RAB23: variants seen among roughly 807,000 people sequenced by gnomAD.
RAB23 encodes the protein ras-related protein Rab-23.
A neutral mutation model predicts 30.0 loss-of-function variants in RAB23; 15 were observed. The ratio of observed to expected loss-of-function variants is 0.50; its 90% CI spans 0.33 to 0.77. The LOEUF is 0.77. Among genes scored for constraint, RAB23 ranks in the 30% least tolerant of loss-of-function variants. RAB23 has a pLI of 0.02. For synonymous variants in RAB23, 93 were observed against 94.0 expected (o/e 0.99, Z 0.06); for missense variants, 243 against 275.4 (o/e 0.88, Z 0.83).
At chr6:57,210,816 T>C (rs1175530402) in intron 1 of RAB23, among the ~76,000 whole-genome samples, 1 of 152,212 alleles carries the variant, frequency 6.6e-6, no homozygotes, top group African/African-American at 2.4e-5. Flanking sequence ...GGCAATAATA[T>C]CCATCTCATA....
intron 1 of RAB23, among the ~76,000 whole-genome samples, chr6:57,219,977 GAGAA>G (rs1644479763): frequency 6.6e-6 from 1 of 152,104 alleles, no homozygotes; most frequent in African/African-American, 2.4e-5. Context: ...TTAGAATGAA[GAGAA>G]AGACAGACTG....
intron 4 of RAB23, among the ~76,000 whole-genome samples, chr6:57,195,597 C>T (rs1014606584): frequency 6.6e-6 from 1 of 152,208 alleles, no homozygotes; most frequent in Non-Finnish European, 1.5e-5. Context: ...TTCTGTCTTG[C>T]TCTTTCTTGG....
chr6:57,199,496 C>T (rs1047380458), intron 3 of RAB23, among the ~76,000 whole-genome samples: 1 of 152,138 alleles, frequency 6.6e-6, no homozygotes, highest in Non-Finnish European at 1.5e-5. Flanking sequence ...TAAACTAAGA[C>T]AGTAAATGCC....
chr6:57,196,441 C>A lies in RAB23; in HGVS notation c.398+9G>T, dbSNP rs376839366. ...ACTGTCCCTCCTTCCCCAAAAGTAG[C>A]CATCTTACTTCTTTATACAAGAATC... On this transcript the variant is annotated intron_variant, in intron 4 of 6. Coordinates refer to ENST00000468148, the MANE Select transcript of RAB23 (RefSeq NM_016277.5). 2 of 1,613,824 alleles carry A rather than the reference C, an allele frequency of 1.2e-6. No individual in the cohort carries two copies. The highest frequency in any genetic ancestry group is 8.5e-7 in the Non-Finnish European group (1 of 1,179,828).
intron 1 of RAB23, among the ~76,000 whole-genome samples, chr6:57,217,630 C>T (rs1476275294): frequency 6.6e-6 from 1 of 151,918 alleles, no homozygotes; most frequent in Non-Finnish European, 1.5e-5. Context: ...ATTTAGAGCG[C>T]TAAATGCTTA....
At position 57,188,761 on chromosome 6, in the gene RAB23, TC is replaced by T. The variant is rs1764714465; in HGVS notation, c.*1699del. ...GTGAAATAGATAATGCCAGATCATT[TC>T]AATATAATGAAAAGCAAAAATTTAC... On this transcript the variant is annotated 3_prime_UTR_variant, in exon 7 of 7. Transcript: ENST00000468148. 1 of 152,200 alleles carries T rather than the reference TC, an allele frequency of 6.6e-6. No individual in the cohort carries two copies. The highest frequency in any genetic ancestry group is 6.5e-5 in the Admixed American group (1 of 15,276). The allele number at this position is 152,200 out of a possible 1,614,324, so 9.4% of individuals were successfully genotyped here. A position where few individuals can be genotyped will look rare whatever the true frequency, so the allele number is the denominator to read the frequency against.
At chr6:57,199,134 C>T (rs1002628316) in intron 3 of RAB23, among the ~76,000 whole-genome samples, 1 of 152,232 alleles carries the variant, frequency 6.6e-6, no homozygotes, top group South Asian at 2.1e-4. Context: ...CGGGCTTCAG[C>T]GCAGCTGTGG....
rs369090284 is a variant in RAB23, at chr6:57,206,877, C to T, written c.241+751G>A. Among the ~76,000 whole-genome samples the T allele has an allele frequency of 9.2e-5, 14 of 152,332 alleles. 1 individual carries two copies. The highest frequency in any genetic ancestry group is 3.4e-4 in the African/African-American group (14 of 41,588). The stretch of plus-strand genomic sequence containing the variant: ...TGTGCCTTTTTATTTCCCACAGCAT[C>T]TGCGAAATGCAGAGTATTAAATACC... On this transcript the variant is annotated intron_variant, in intron 3 of 6. Coordinates refer to ENST00000468148, the MANE Select transcript of RAB23 (RefSeq NM_016277.5).
chr6:57,195,330 TC>T (rs1354772881), intron 4 of RAB23, among the ~76,000 whole-genome samples: 12 of 152,312 alleles, frequency 7.9e-5, no homozygotes, highest in Admixed American at 7.8e-4. Context: ...AAAGCCAAAG[TC>T]AGTATATTAA....
Position 57,191,866 on chromosome 6 carries a change from G to GAGAT in RAB23, c.575-1270_575-1267dup, listed in dbSNP as rs143690209. Among the ~76,000 whole-genome samples, 446 of 151,096 alleles carry GAGAT rather than the reference G, an allele frequency of 3.0e-3. 11 individuals are homozygous for GAGAT. The East Asian group carries it at 0.068, about 23-fold the overall frequency. On this transcript the variant is annotated intron_variant, in intron 6 of 6. Transcript: ENST00000468148. ...AGTTGTGTGTGTGTGTGTGTTTTAA[G>GAGAT]AGATAGGGTCTTGCTCTGTCACCAG...
chr6:57,219,750 G>C (rs979069640), intron 1 of RAB23, among the ~76,000 whole-genome samples: 27 of 152,286 alleles, frequency 1.8e-4, no homozygotes, highest in Admixed American at 1.1e-3. Context: ...GGAACAACTG[G>C]ACATCCATAT....
chr6:57,203,393 T>A (rs1765341886), intron 3 of RAB23, among the ~76,000 whole-genome samples: 1 of 152,168 alleles, frequency 6.6e-6, no homozygotes, highest in Admixed American at 6.5e-5. Context: ...AACTGCCACA[T>A]CAAACTGTCA....
At chr6:57,207,108 C>T (rs1439066519) in intron 3 of RAB23, among the ~76,000 whole-genome samples, 1 of 152,088 alleles carries the variant, frequency 6.6e-6, no homozygotes, top group Non-Finnish European at 1.5e-5. Flanking sequence ...TTTTAAGTTC[C>T]ATTTGGAAGT....
intron 3 of RAB23, among the ~76,000 whole-genome samples, chr6:57,207,320 C>CT (rs1010544668): frequency 1.3e-5 from 2 of 152,270 alleles, no homozygotes; most frequent in Admixed American, 6.5e-5. Flanking sequence ...CTTCCACTCT[C>CT]TGACTATACA....
chr6:57,219,906 A>C (rs886559406), intron 1 of RAB23, among the ~76,000 whole-genome samples: 9 of 152,224 alleles, frequency 5.9e-5, no homozygotes, highest in African/African-American at 2.2e-4. Context: ...ATGACCCATA[A>C]AAGGAAAAAC....
chr6:57,216,145 T>C (rs1765827123), intron 1 of RAB23, among the ~76,000 whole-genome samples: 1 of 152,242 alleles, frequency 6.6e-6, no homozygotes, highest in Admixed American at 6.5e-5. Context: ...AGTAACAGCG[T>C]ACAGGTTTGT....
intron 2 of RAB23, 67 bp downstream of exon 2, chr6:57,210,159 T>C: frequency 6.6e-7 from 1 of 1,516,100 alleles, no homozygotes; most frequent in Non-Finnish European, 9.1e-7. Context: ...AGTTAACTAT[T>C]ACTCCAATGA....
chr6:57,218,967 A>G (rs999016425), intron 1 of RAB23, among the ~76,000 whole-genome samples: 1 of 152,202 alleles, frequency 6.6e-6, no homozygotes, highest in Non-Finnish European at 1.5e-5. Context: ...CACTACTCCT[A>G]TTCATCATAC....
At chr6:57,191,164 C>T (rs529615897) in intron 6 of RAB23, among the ~76,000 whole-genome samples, 1 of 149,746 alleles carries the variant, frequency 6.7e-6, no homozygotes, top group East Asian at 1.9e-4. Context: ...TTTAGTTTTA[C>T]TTTTAGTAGC....
Sources: allele counts gnomAD v4.1 joint callset (sites outside exome capture counted in the v4.1 genomes callset), GRCh38; gene constraint gnomAD v4.1.1; transcripts MANE v1.5; gene names NCBI Gene and HGNC (gene_info 2026-07-23, HGNC 2026-07-21).